The following DOCK4 variants were observed in gnomAD, a reference collection of about 807,000 sequenced individuals.
DOCK4 encodes dedicator of cytokinesis protein 4.
A neutral mutation model predicts 268.1 loss-of-function variants in DOCK4; 97 were observed. The ratio of observed to expected loss-of-function variants is 0.36; its 90% CI spans 0.31 to 0.43. The LOEUF (loss-of-function observed/expected upper bound fraction) is 0.43, where lower values mean the gene tolerates loss of function less well. Among genes scored for constraint, DOCK4 ranks in the 20% least tolerant of loss-of-function variants. The pLI is 1.00. For missense variants in DOCK4, 2,145 were observed against 2,455.7 expected, an observed-to-expected ratio of 0.87 and a Z score of 2.67; for synonymous variants, 954 against 887.2, an observed-to-expected ratio of 1.08 and a Z score of -1.34.
In DOCK4 at chr7:112,191,274, G is replaced by C. The variant is rs77720174; in HGVS notation, c.37+14828C>G. ...GCCATGAATTTTATTTTCACTCCAG[G>C]GTTCCTCCCTGCTTCTGGTCCATCC... On this transcript the variant is annotated intron_variant, in intron 1 of 52. Transcript: ENST00000428084. Among the ~76,000 whole-genome samples the C allele has an allele frequency of 1.6e-3, 242 of 152,188 alleles. 2 individuals are homozygous for C. Among genetic ancestry groups the C allele is most frequent in the Non-Finnish European group, 2.8e-3 (191 of 67,996 alleles).
chr7:111,789,166 A>G (rs1213319084), intron 31 of DOCK4: 7 of 190,342 alleles, frequency 3.7e-5, no homozygotes, highest in Non-Finnish European at 3.3e-5. Flanking sequence ...TGTGTTTTAT[A>G]TCTATTTTCT....
Position 111,926,120 on chromosome 7 carries a change from A to AAAAGAAAGAAAGAAAGAAAGAAAGAAAG in DOCK4, c.1066+9419_1066+9420insCTTTCTTTCTTTCTTTCTTTCTTTCTTT, listed in dbSNP as rs71524823. The stretch of plus-strand genomic sequence containing the variant: ...AGAAAGAGAGAGAGAGAGAAAGAGA[A>AAAAGAAAGAAAGAAAGAAAGAAAGAAAG]AAAGAAAGAAAGAAAGAAAGAAAGA... On this transcript the variant is annotated intron_variant, in intron 12 of 52. Transcript: ENST00000428084. 1.0e-3 allele frequency among the ~76,000 whole-genome samples: 138 copies of AAAAGAAAGAAAGAAAGAAAGAAAGAAAG among 135,196 alleles called. 4 individuals carry two copies. Among genetic ancestry groups the AAAAGAAAGAAAGAAAGAAAGAAAGAAAG allele is most frequent in the African/African-American group, 3.7e-3 (124 of 33,124 alleles). 88.7% of individuals were successfully genotyped at this position (135,196 alleles called of 152,430 possible). A position where few individuals can be genotyped will look rare whatever the true frequency, so the allele number is the denominator to read the frequency against.
At chr7:111,940,724 C>G (rs1795138924) in intron 10 of DOCK4, among the ~76,000 whole-genome samples, 1 of 152,212 alleles carries the variant, frequency 6.6e-6, no homozygotes, top group Admixed American at 6.5e-5. Flanking sequence ...TGCCTCAGCT[C>G]TCAGGCTGTT....
At chr7:111,869,510 TAGTTTA>T in intron 21 of DOCK4, 58 bp downstream of exon 21, 1 of 1,415,692 alleles carries the variant, frequency 7.1e-7, no homozygotes, top group Non-Finnish European at 1.0e-6. Flanking sequence ...AGGAACCAAT[TAGTTTA>T]AGCATCAGCA....
intron 36 of DOCK4, among the ~76,000 whole-genome samples, chr7:111,775,689 C>T (rs775263200): frequency 4.8e-4 from 73 of 152,122 alleles, no homozygotes; most frequent in Admixed American, 4.3e-3. Context: ...TGGGGTGAAG[C>T]GCTGTAGACA....
Position 111,886,560 on chromosome 7 carries a change from AT to A in DOCK4, c.1587+9051del, listed in dbSNP as rs1238239594. Among the ~76,000 whole-genome samples the A allele has an allele frequency of 2.0e-5, 3 of 152,298 alleles. No homozygotes were observed. In the East Asian group the frequency reaches 5.8e-4, roughly 29 times the overall value. On this transcript the variant is annotated intron_variant, in intron 16 of 52. Coordinates refer to ENST00000428084, the MANE Select transcript of DOCK4 (RefSeq NM_001363540.2). ...GTCTTTGATCTGAGGTCAAAGGACTATTTGACCTCAGTTGTAAAGGATAAAA... is the reference window on the plus strand; with the variant it reads ...GTCTTTGATCTGAGGTCAAAGGACTATTGACCTCAGTTGTAAAGGATAAAA...
intron 52 of DOCK4, among the ~76,000 whole-genome samples, chr7:111,729,497 G>C (rs1051248964): frequency 6.6e-6 from 1 of 152,088 alleles, no homozygotes; most frequent in South Asian, 2.1e-4. Flanking sequence ...GCAGTGAGCC[G>C]TGGAGCCACC....
chr7:111,901,427 G>T (rs372363482), intron 14 of DOCK4, among the ~76,000 whole-genome samples: 202 of 145,666 alleles, frequency 1.4e-3, no homozygotes, highest in African/African-American at 2.5e-3. Context: ...AAAAGTTGTT[G>T]TTTTTTTTTC....
In DOCK4 at chr7:111,769,562, G is replaced by C; in HGVS notation, c.3795C>G (p.His1265Gln). 1.9e-6 allele frequency: 3 copies of C among 1,613,786 alleles called. No homozygotes were observed. Among genetic ancestry groups the C allele is most frequent in the Non-Finnish European group, 2.5e-6 (3 of 1,179,760 alleles). Reference protein sequence around the residue: ...QTEWQRKEHLHLTIIQNFDRG... With the variant: ...QTEWQRKEHLQLTIIQNFDRG... ...TGTCAAAGTTCTGGATGATGGTGAG[G>C]TGCAGGTGCTCTTTGCGCTGCCATT... is the stretch of plus-strand genomic sequence containing the variant. Residue 1265 changes from histidine (H) to glutamine (Q), a missense_variant, in exon 37 of 53, where the codon CAC becomes CAG. Physicochemically the swap from His to Gln is conservative, Grantham distance 24. Around this residue, in one of 2 missense-constraint regions of DOCK4, gnomAD observed 1,598 missense variants for 1,986.7 expected, o/e 0.80. Coordinates refer to ENST00000428084, the MANE Select transcript of DOCK4 (RefSeq NM_001363540.2).
chr7:112,027,845 C>A (rs1802937995), intron 1 of DOCK4, among the ~76,000 whole-genome samples: 1 of 152,120 alleles, frequency 6.6e-6, no homozygotes, highest in Non-Finnish European at 1.5e-5. Context: ...GATTTGAGTA[C>A]CAAGAAAAGA....
At chr7:112,093,179 G>A (rs1019125929) in intron 1 of DOCK4, among the ~76,000 whole-genome samples, 2 of 152,042 alleles carry the variant, frequency 1.3e-5, no homozygotes, top group Middle Eastern at 3.2e-3. Flanking sequence ...TAGGCACAAT[G>A]TTACCCCAGA....
intron 1 of DOCK4, among the ~76,000 whole-genome samples, chr7:112,128,369 G>A (rs1035942158): frequency 1.9e-4 from 29 of 152,052 alleles, no homozygotes; most frequent in Non-Finnish European, 8.8e-5. Flanking sequence ...CGCCCCTACT[G>A]GGAAGTGAGG....
intron 1 of DOCK4, among the ~76,000 whole-genome samples, chr7:112,056,472 T>C (rs936845691): frequency 2.6e-5 from 4 of 152,228 alleles, no homozygotes; most frequent in African/African-American, 7.2e-5. Context: ...ATGTTTATTA[T>C]ATGAATTCTC....
intron 1 of DOCK4, among the ~76,000 whole-genome samples, chr7:112,091,697 T>C (rs530463611): frequency 1.3e-5 from 2 of 152,260 alleles, no homozygotes; most frequent in African/African-American, 4.8e-5. Context: ...CACAAGGGTA[T>C]TTCTCAGATT....
At chr7:112,096,085 T>C (rs974593518) in intron 1 of DOCK4, among the ~76,000 whole-genome samples, 2 of 151,600 alleles carry the variant, frequency 1.3e-5, no homozygotes, top group Admixed American at 1.3e-4. Context: ...GCGAGAAACT[T>C]TGTCTCGTAA....
At chr7:111,809,000 A>G (rs373877602) in intron 29 of DOCK4, 121 bp from the exon 30 acceptor site, 1 of 1,084,708 alleles carries the variant, frequency 9.2e-7, no homozygotes, top group Non-Finnish European at 1.3e-6. Context: ...AATTAAAGAC[A>G]TTTAATATAC....
intron 16 of DOCK4, among the ~76,000 whole-genome samples, chr7:111,886,210 A>G (rs1025235595): frequency 6.6e-6 from 1 of 152,218 alleles, no homozygotes; most frequent in African/African-American, 2.4e-5. Context: ...ATGGTAGACA[A>G]TCCAGTTGAA....
chr7:111,838,586 TTAATAA>T (rs1340414134), intron 25 of DOCK4, among the ~76,000 whole-genome samples: 2 of 152,144 alleles, frequency 1.3e-5, no homozygotes, highest in African/African-American at 4.8e-5. Flanking sequence ...TAGTATATGA[TTAATAA>T]TAATAGCTAT....
At chr7:112,117,802 T>A (rs1435740901) in intron 1 of DOCK4, among the ~76,000 whole-genome samples, 1 of 152,236 alleles carries the variant, frequency 6.6e-6, no homozygotes, top group South Asian at 2.1e-4. Flanking sequence ...ATTCGTGTTA[T>A]GGCAGAACTG....
Sources: gnomAD v4.1 joint callset for allele counts (sites outside exome capture counted in the v4.1 genomes callset) on GRCh38, gnomAD v4.1.1 for gene constraint, gnomAD v4.1.1 regional missense constraint, MANE v1.5 for transcripts, NCBI Gene and HGNC (gene_info 2026-07-23, HGNC 2026-07-21) for gene names.